INKA2: variants seen among roughly 807,000 people sequenced by gnomAD.
INKA2 encodes inka box actin regulator 2.
INKA2 carries 3 observed loss-of-function variants against 9.8 expected under a neutral mutation model. That is an observed-to-expected ratio of 0.31 (90% CI 0.14 to 0.79). The LOEUF (loss-of-function observed/expected upper bound fraction) is 0.79, where lower values mean the gene tolerates loss of function less well. INKA2 is among the 30% of genes least tolerant of loss of function. The pLI is 0.62. For missense variants in INKA2, 392 were observed against 384.4 expected (o/e 1.02, Z -0.17); for synonymous variants, 147 against 143.3 (o/e 1.03, Z -0.18).
chr1:111,741,967 C>T (rs1047570830), upstream of INKA2, among the ~76,000 whole-genome samples: 2 of 152,122 alleles, frequency 1.3e-5, no homozygotes, highest in African/African-American at 2.4e-5. Context: ...CCGCCTGCCT[C>T]GGCCTCCCAA....
chr1:111,739,371 C>T lies in INKA2; in HGVS notation c.-129G>A, dbSNP rs1023158061. ...CGCTCGCAGCGCGGAGCTGAGCCTG[C>T]GCTCCGAGCCCGGGACTCAGAGTCG... is the stretch of plus-strand genomic sequence containing the variant. On this transcript the variant is annotated 5_prime_UTR_variant, in exon 1 of 2. Coordinates refer to ENST00000357260, the MANE Select transcript of INKA2 (RefSeq NM_019099.5). 9 of 1,520,768 alleles carry T rather than the reference C, an allele frequency of 5.9e-6. No homozygotes were observed. The highest frequency in any genetic ancestry group is 1.4e-5 in the African/African-American group (1 of 71,032). The allele number at this position is 1,520,768 out of a possible 1,614,324, so 94.2% of individuals were successfully genotyped here.
At chr1:111,743,562 A>G (rs1663191567), upstream of INKA2, among the ~76,000 whole-genome samples, 1 of 152,206 alleles carries the variant, frequency 6.6e-6, no homozygotes, top group African/African-American at 2.4e-5. Context: ...CCTATATTAA[A>G]TAATGGAAAC....
At position 111,748,698 on chromosome 1, in the gene INKA2, C is replaced by T. The variant is rs1011195732; in HGVS notation, n.124+7003G>A. On this transcript the variant is annotated intron_variant and non_coding_transcript_variant, in intron 1 of 1. Transcript: ENST00000444059. ...GACCTGATGCGATGATCTTGCTGCT[C>T]TCCCTCATCTGTTCTGGGCCTGTCA... Among the ~76,000 whole-genome samples the T allele has an allele frequency of 2.6e-5, 4 of 152,296 alleles. No individual in the cohort carries two copies. In the South Asian group the frequency reaches 8.3e-4, roughly 32 times the overall value.
At position 111,727,503 on chromosome 1, in the gene INKA2, G is replaced by A; in HGVS notation, c.359C>T (p.Pro120Leu). Residue 120 changes from proline (P) to leucine (L), a missense_variant, in exon 2 of 2, where the codon CCC becomes CTC. Physicochemically the swap from Pro to Leu is moderately conservative, Grantham distance 98. Coordinates refer to ENST00000357260, the MANE Select transcript of INKA2 (RefSeq NM_019099.5). Reference sequence around the variant, plus strand: ...ACAGCTTTGATGTGGCTGTGTCCTGGGCAAGGGGGCTAAATCCCTTCCACA... The same window carrying A: ...ACAGCTTTGATGTGGCTGTGTCCTGAGCAAGGGGGCTAAATCCCTTCCACA... ...SVCGRDLAPLPRTQPHQSCAQ... is the reference protein window; with the variant it reads ...SVCGRDLAPLLRTQPHQSCAQ... 2 of 1,614,218 alleles carry A rather than the reference G, an allele frequency of 1.2e-6. No individual in the cohort carries two copies. The highest frequency in any genetic ancestry group is 1.7e-6 in the Non-Finnish European group (2 of 1,180,044).
chr1:111,750,460 A>T (rs1409328125), intron 1 of INKA2, among the ~76,000 whole-genome samples: 1 of 152,266 alleles, frequency 6.6e-6, no homozygotes, highest in Non-Finnish European at 1.5e-5. Flanking sequence ...ATAAGTTTAT[A>T]GATGGTGCCA....
At chr1:111,753,393 G>C (rs1254347937) in intron 1 of INKA2, 1 of 152,096 alleles carries the variant, frequency 6.6e-6, no homozygotes, top group East Asian at 1.9e-4. Context: ...TTGTGCAAGA[G>C]ATCTTTATAG....
chr1:111,742,644 C>A (rs539609889), upstream of INKA2, among the ~76,000 whole-genome samples: 27 of 152,382 alleles, frequency 1.8e-4, no homozygotes, highest in African/African-American at 6.3e-4. Flanking sequence ...GGAATGTTTA[C>A]CCCATCTTAC....
chr1:111,732,912 A>C (rs1662940672), intron 1 of INKA2, among the ~76,000 whole-genome samples: 1 of 152,180 alleles, frequency 6.6e-6, no homozygotes, highest in Non-Finnish European at 1.5e-5. Context: ...CGGCCACATG[A>C]CACTGGGCAA....
chr1:111,739,166 G>A lies in INKA2; in HGVS notation c.57+20C>T, dbSNP rs201515226. On this transcript the variant is annotated intron_variant, in intron 1 of 1. Transcript: ENST00000357260. ...GGGGCGGAGCAGCCCTCCCTGCCCC[G>A]GCGCCAGCTTCGCTCTTACCAGCTC... The A allele has an allele frequency of 1.1e-3, 1,788 of 1,611,406 alleles. 3 individuals carry two copies. The highest frequency in any genetic ancestry group is 1.3e-3 in the Non-Finnish European group (1,541 of 1,178,176).
chr1:111,728,571 T>C lies in INKA2; in HGVS notation c.58-767A>G, dbSNP rs188760109. On this transcript the variant is annotated intron_variant, in intron 1 of 1. Coordinates refer to ENST00000357260, the MANE Select transcript of INKA2 (RefSeq NM_019099.5). ...AAATGCTCCAAAATCCAAAGCTTTTTGAGCCACAACGTGACCAAAAGTGGA... is the reference window on the plus strand; with the variant it reads ...AAATGCTCCAAAATCCAAAGCTTTTCGAGCCACAACGTGACCAAAAGTGGA... Among the ~76,000 whole-genome samples the C allele has an allele frequency of 8.2e-3, 1,249 of 152,296 alleles. 3 individuals are homozygous for C. Among genetic ancestry groups the C allele is most frequent in the Non-Finnish European group, 0.013 (867 of 68,016 alleles).
rs1456925401 is a variant in INKA2 at position 111,726,171 on chromosome 1, C to T, written c.*797G>A. 7.5e-6 allele frequency: 3 copies of T among 398,096 alleles called. No homozygotes were observed. The highest frequency in any genetic ancestry group is 1.3e-5 in the Non-Finnish European group (3 of 225,844). The allele number at this position is 398,096 out of a possible 1,614,324, so 24.7% of individuals were successfully genotyped here. A position where few individuals can be genotyped will look rare whatever the true frequency, so the allele number is the denominator to read the frequency against. ...ACATGTAGCATATCTAGGCTTGTTT[C>T]CTTATCTGGAAAATGGGATCATGCC... On this transcript the variant is annotated 3_prime_UTR_variant, in exon 2 of 2. Transcript: ENST00000357260.
chr1:111,741,407 T>C (rs1489745817), upstream of INKA2, among the ~76,000 whole-genome samples: 1 of 152,238 alleles, frequency 6.6e-6, no homozygotes, highest in African/African-American at 2.4e-5. Context: ...TCTGCAGCTG[T>C]GGGCAGAAAT....
upstream of INKA2, among the ~76,000 whole-genome samples, chr1:111,740,739 G>A (rs1663126732): frequency 6.6e-6 from 1 of 152,092 alleles, no homozygotes; most frequent in South Asian, 2.1e-4. Context: ...TTGAGAGGCC[G>A]AGACGGGTGG....
rs533832767 is a variant in INKA2, at chr1:111,748,065, C to T, written n.124+7636G>A. Among the ~76,000 whole-genome samples the T allele has an allele frequency of 7.2e-5, 11 of 152,306 alleles. No homozygotes were observed. In the East Asian group the frequency reaches 9.6e-4, roughly 13 times the overall value. On this transcript the variant is annotated intron_variant and non_coding_transcript_variant, in intron 1 of 1. Coordinates refer to the INKA2 transcript ENST00000444059. ...GAAATGACTTGGAAGGGCTTGGGCA[C>T]GTGGGAGAGTAATATGAAGATGTTA...
In INKA2 at chr1:111,755,611, G is replaced by A. The variant is rs1663523378; in HGVS notation, n.124+90C>T. On this transcript the variant is annotated intron_variant and non_coding_transcript_variant, in intron 1 of 1. Transcript: ENST00000444059. ...GCGGTGGCGCCGGGGGCACGGCTGG[G>A]CGGCTCCGCCCAGAAGAGGGCCGAG... The A allele has an allele frequency of 2.0e-6, 3 of 1,523,632 alleles. No homozygotes were observed. The South Asian group carries it at 3.6e-5, about 18-fold the overall frequency. The allele number at this position is 1,523,632 out of a possible 1,614,324, so 94.4% of individuals were successfully genotyped here. A position where few individuals can be genotyped will look rare whatever the true frequency, so the allele number is the denominator to read the frequency against.
chr1:111,734,779 A>G (rs74732405), intron 1 of INKA2, among the ~76,000 whole-genome samples: 1 of 152,152 alleles, frequency 6.6e-6, no homozygotes, highest in Non-Finnish European at 1.5e-5. Flanking sequence ...TATCCCTCAA[A>G]GTCTAGTTCA....
intron 1 of INKA2, chr1:111,746,543 T>G (rs907340182): frequency 6.6e-6 from 1 of 152,208 alleles, no homozygotes; most frequent in African/African-American, 2.4e-5. Context: ...TGGAAATAAC[T>G]TGCATCTTAA....
chr1:111,738,750 C>T (rs1361942419), intron 1 of INKA2, among the ~76,000 whole-genome samples: 1 of 152,164 alleles, frequency 6.6e-6, no homozygotes, highest in African/African-American at 2.4e-5. Context: ...CCAGCACCCT[C>T]CTCCTCCCCG....
Position 111,731,171 on chromosome 1 carries a change from A to G in INKA2, c.58-3367T>C, listed in dbSNP as rs566185132. ...GGGTATGCATGAATTCAAGCTGCCCATAAAACAGAGGCCCTATGTAAGTAA... is the reference window on the plus strand; with the variant it reads ...GGGTATGCATGAATTCAAGCTGCCCGTAAAACAGAGGCCCTATGTAAGTAA... On this transcript the variant is annotated intron_variant, in intron 1 of 1. Coordinates refer to ENST00000357260, the MANE Select transcript of INKA2 (RefSeq NM_019099.5). Among the ~76,000 whole-genome samples, 15 of 152,358 alleles carry G rather than the reference A, an allele frequency of 9.8e-5. No homozygotes were observed. The East Asian group carries it at 2.5e-3, about 25-fold the overall frequency.
Sources: gnomAD v4.1 joint callset for allele counts (sites outside exome capture counted in the v4.1 genomes callset) on GRCh38, gnomAD v4.1.1 for gene constraint, MANE v1.5 for transcripts, NCBI Gene and HGNC (gene_info 2026-07-23, HGNC 2026-07-21) for gene names.